GNAT3: variants seen among roughly 807,000 people sequenced by gnomAD.
GNAT3 encodes guanine nucleotide-binding protein G(t) subunit alpha-3.
Under a neutral mutation model 37.7 loss-of-function variants are expected in GNAT3, and 31 were observed. That is an observed-to-expected ratio of 0.82 (90% CI 0.62 to 1.11). The LOEUF (loss-of-function observed/expected upper bound fraction) is 1.11. GNAT3 is among the 50% of genes most tolerant of loss of function. The pLI is 0.00. For missense variants in GNAT3, 437 were observed against 412.5 expected, an observed-to-expected ratio of 1.06 and a Z score of -0.51; for synonymous variants, 138 against 139.8, an observed-to-expected ratio of 0.99 and a Z score of 0.09.
intron 6 of GNAT3, 23 bp from the exon 7 acceptor site, chr7:80,462,335 A>T (rs1472971520): frequency 6.2e-7 from 1 of 1,606,728 alleles, no homozygotes; most frequent in South Asian, 1.1e-5. Flanking sequence ...AGAAATGAGA[A>T]TGGGTAGGAT....
chr7:80,488,531 T>C lies in GNAT3; in HGVS notation c.303+4A>G, dbSNP rs1165197819. On this transcript the variant is annotated splice_donor_region_variant and intron_variant, in intron 3 of 7. Transcript: ENST00000398291. ...CATACAGCTGTCATTATTTGCATAC[T>C]TACTGCACTTCTGGGATTTACATAA... 3 of 1,598,630 alleles carry C rather than the reference T, an allele frequency of 1.9e-6. No individual in the cohort carries two copies. The highest frequency in any genetic ancestry group is 2.6e-6 in the Non-Finnish European group (3 of 1,171,070).
At chr7:80,489,889 T>G (rs935029325) in intron 2 of GNAT3, among the ~76,000 whole-genome samples, 1 of 152,144 alleles carries the variant, frequency 6.6e-6, no homozygotes, top group African/African-American at 2.4e-5. Flanking sequence ...CATGAGGCAC[T>G]TAGGTTATCT....
chr7:80,497,875 T>C (rs1365590013), intron 1 of GNAT3, among the ~76,000 whole-genome samples: 1 of 151,982 alleles, frequency 6.6e-6, no homozygotes, highest in African/African-American at 2.4e-5. Flanking sequence ...ATGATATAAT[T>C]TCTACAATAA....
chr7:80,475,294 CT>C (rs1790284616), intron 4 of GNAT3, among the ~76,000 whole-genome samples: 2 of 148,660 alleles, frequency 1.3e-5, no homozygotes, highest in African/African-American at 5.0e-5. Flanking sequence ...TAACAGTCTG[CT>C]AAATTAGAGG....
At chr7:80,465,889 C>A (rs1380816448) in intron 5 of GNAT3, among the ~76,000 whole-genome samples, 1 of 152,006 alleles carries the variant, frequency 6.6e-6, no homozygotes, top group Non-Finnish European at 1.5e-5. Context: ...CACTTTTTGG[C>A]AAAGAATTGT....
In GNAT3 at chr7:80,488,642, A is replaced by G; in HGVS notation, c.196T>C (p.Cys66Arg). Residue 66 changes from cysteine (C) to arginine (R), a missense_variant, in exon 3 of 8, where the codon TGC becomes CGC. By Grantham distance (180) the Cys-to-Arg change is radical. Coordinates refer to ENST00000398291, the MANE Select transcript of GNAT3 (RefSeq NM_001102386.3). ...TAAATTACTGCTTTGAACTCCATGCATTCTTGCTCACTGTAACCATTCTTA... is the reference window on the plus strand; with the variant it reads ...TAAATTACTGCTTTGAACTCCATGCGTTCTTGCTCACTGTAACCATTCTTA... Reference protein sequence around the residue: ...IHKNGYSEQECMEFKAVIYSN... With the variant: ...IHKNGYSEQERMEFKAVIYSN... 6.3e-7 allele frequency: 1 copy of G among 1,585,720 alleles called. No homozygotes were observed. Among genetic ancestry groups the G allele is most frequent in the Non-Finnish European group, 8.6e-7 (1 of 1,163,232 alleles).
chr7:80,497,593 C>CGTATATGCATATAT, intron 1 of GNAT3, among the ~76,000 whole-genome samples: 1 of 131,720 alleles, frequency 7.6e-6, no homozygotes, highest in Non-Finnish European at 1.6e-5. Flanking sequence ...TATACATATA[C>CGTATATGCATATAT]GTATATACAT....
intron 1 of GNAT3, among the ~76,000 whole-genome samples, chr7:80,495,361 TC>T (rs1464891737): frequency 6.6e-6 from 1 of 152,182 alleles, no homozygotes; most frequent in Non-Finnish European, 1.5e-5. Flanking sequence ...GTGTAAGTGT[TC>T]CCTTTTCTCT....
At chr7:80,482,012 C>T (rs2116177552) in intron 3 of GNAT3, among the ~76,000 whole-genome samples, 1 of 152,168 alleles carries the variant, frequency 6.6e-6, no homozygotes, top group East Asian at 1.9e-4. Flanking sequence ...CTTTAATCCC[C>T]ATAGAATGTA....
chr7:80,471,210 C>T (rs1369002221), intron 5 of GNAT3, among the ~76,000 whole-genome samples: 1 of 149,890 alleles, frequency 6.7e-6, no homozygotes, highest in Non-Finnish European at 1.5e-5. Flanking sequence ...TTTCTGCTTG[C>T]CTATATTCTA....
intron 4 of GNAT3, among the ~76,000 whole-genome samples, chr7:80,478,180 G>A (rs1040991977): frequency 1.1e-4 from 16 of 152,148 alleles, no homozygotes; most frequent in African/African-American, 3.6e-4. Context: ...CAAAGTGCTG[G>A]GATTACAGGC....
chr7:80,463,657 C>A (rs2116140754), intron 5 of GNAT3, among the ~76,000 whole-genome samples: 1 of 151,966 alleles, frequency 6.6e-6, no homozygotes, highest in Admixed American at 6.6e-5. Flanking sequence ...AATACAATAG[C>A]AGCCTCATGA....
At chr7:80,476,052 G>C (rs555387221) in intron 4 of GNAT3, among the ~76,000 whole-genome samples, 2 of 152,068 alleles carry the variant, frequency 1.3e-5, no homozygotes, top group Admixed American at 1.3e-4. Context: ...TAGGTGTGTT[G>C]TTGGTCAGTT....
chr7:80,505,136 A>G (rs1249376747), intron 1 of GNAT3, among the ~76,000 whole-genome samples: 1 of 152,154 alleles, frequency 6.6e-6, no homozygotes, highest in African/African-American at 2.4e-5. Context: ...TGTATCAGGA[A>G]AATGGTAAAT....
At chr7:80,509,326 T>C (rs1791011530) in intron 1 of GNAT3, among the ~76,000 whole-genome samples, 1 of 152,098 alleles carries the variant, frequency 6.6e-6, no homozygotes, top group South Asian at 2.1e-4. Context: ...CTTAGCCAGA[T>C]GTTTGTAATA....
At chr7:80,460,953 C>T (rs544354689) in intron 7 of GNAT3, among the ~76,000 whole-genome samples, 1 of 151,822 alleles carries the variant, frequency 6.6e-6, no homozygotes, top group Non-Finnish European at 1.5e-5. Flanking sequence ...ACACTAGAAA[C>T]TGCTCTAAGA....
intron 5 of GNAT3, among the ~76,000 whole-genome samples, chr7:80,467,189 C>G (rs1156383170): frequency 6.6e-6 from 1 of 152,120 alleles, no homozygotes; most frequent in Non-Finnish European, 1.5e-5. Flanking sequence ...AGTGGCTTGG[C>G]TTTCTCCCAA....
chr7:80,497,619 T>TATATACATATACGTATATACCTAC (rs1790751992), intron 1 of GNAT3, among the ~76,000 whole-genome samples: 1 of 117,872 alleles, frequency 8.5e-6, no homozygotes, highest in African/African-American at 4.5e-5. Flanking sequence ...TATATACATA[T>TATATACATATACGTATATACCTAC]ACGTATATAC....
chr7:80,494,720 C>T (rs1324644417), intron 1 of GNAT3, 73 bp from the exon 2 acceptor site: 2 of 878,156 alleles, frequency 2.3e-6, no homozygotes, highest in Non-Finnish European at 3.6e-6. Flanking sequence ...TATCACTTTT[C>T]ATGGATAATC....
Sources: gnomAD v4.1 joint callset for allele counts (sites outside exome capture counted in the v4.1 genomes callset) on GRCh38, gnomAD v4.1.1 for gene constraint, MANE v1.5 for transcripts, NCBI Gene and HGNC (gene_info 2026-07-23, HGNC 2026-07-21) for gene names.